Variants in CNTNAP2 observed in about 807,000 individuals in gnomAD.
CNTNAP2 encodes the protein contactin-associated protein-like 2.
Under a neutral mutation model 155.2 loss-of-function variants are expected in CNTNAP2, and 98 were observed. The ratio of observed to expected loss-of-function variants is 0.63; its 90% CI spans 0.54 to 0.75. The LOEUF (loss-of-function observed/expected upper bound fraction) is 0.75, where lower values mean the gene tolerates loss of function less well. Among genes scored for constraint, CNTNAP2 ranks in the 30% least tolerant of loss-of-function variants. The pLI, the probability that CNTNAP2 is intolerant of heterozygous loss-of-function variation, is 0.00. For synonymous variants in CNTNAP2, 651 were observed against 631.2 expected, an observed-to-expected ratio of 1.03 and a Z score of -0.47; for missense variants, 1,727 against 1,688.1, an observed-to-expected ratio of 1.02 and a Z score of -0.40.
intron 1 of CNTNAP2, among the ~76,000 whole-genome samples, chr7:146,392,211 T>C (rs1265578210): frequency 6.6e-6 from 1 of 152,004 alleles, no homozygotes; most frequent in Non-Finnish European, 1.5e-5. Context: ...ATAATAATTA[T>C]AAATATTTCA....
Position 147,960,049 on chromosome 7 carries a change from T to G in CNTNAP2, c.2256-17813T>G, listed in dbSNP as rs189397746. 5.2e-4 allele frequency among the ~76,000 whole-genome samples: 79 copies of G among 152,252 alleles called. 1 individual carries two copies. Among genetic ancestry groups the G allele is most frequent in the African/African-American group, 1.8e-3 (74 of 41,556 alleles). On this transcript the variant is annotated intron_variant, in intron 14 of 23. Transcript: ENST00000361727. ...CCTTCCTTTAGGCTCAGAGAACTGATGACTACTTCATGCCAATACATCCTT... is the reference window on the plus strand; with the variant it reads ...CCTTCCTTTAGGCTCAGAGAACTGAGGACTACTTCATGCCAATACATCCTT...
At chr7:146,623,079 C>T (rs554844105) in intron 1 of CNTNAP2, among the ~76,000 whole-genome samples, 4 of 151,740 alleles carry the variant, frequency 2.6e-5, no homozygotes, top group Non-Finnish European at 5.9e-5. Context: ...TTAGTGGTAG[C>T]CCCCTGGAGA....
At chr7:146,200,174 C>G (rs1798836777) in intron 1 of CNTNAP2, among the ~76,000 whole-genome samples, 2 of 152,276 alleles carry the variant, frequency 1.3e-5, no homozygotes, top group South Asian at 4.1e-4. Flanking sequence ...TGATGGACCA[C>G]TTCCACATAC....
chr7:147,780,378 C>T (rs1197142908), intron 13 of CNTNAP2, among the ~76,000 whole-genome samples: 1 of 151,932 alleles, frequency 6.6e-6, no homozygotes, highest in Non-Finnish European at 1.5e-5. Context: ...CATTAACAAA[C>T]CAATTGTTAA....
rs192428001 is a variant in CNTNAP2 at position 146,319,092 on chromosome 7, G to T, written c.97+202119G>T. On this transcript the variant is annotated intron_variant, in intron 1 of 23. Coordinates refer to ENST00000361727, the MANE Select transcript of CNTNAP2 (RefSeq NM_014141.6). ...CCGGCAACCTGGCTCTAGAGGTGTT[G>T]GTCTCGAATGCCTCAATCTTTTTGT... Among the ~76,000 whole-genome samples the T allele has an allele frequency of 2.8e-4, 42 of 152,118 alleles. No homozygotes were observed. In the East Asian group the frequency reaches 7.6e-3, roughly 27 times the overall value.
rs1802575969 is a variant in CNTNAP2 at position 147,186,822 on chromosome 7, T to C, written c.1348+54313T>C. Among the ~76,000 whole-genome samples, 5 of 152,116 alleles carry C rather than the reference T, an allele frequency of 3.3e-5. No homozygotes were observed. In the South Asian group the frequency reaches 1.0e-3, roughly 32 times the overall value. On this transcript the variant is annotated intron_variant, in intron 8 of 23. Coordinates refer to ENST00000361727, the MANE Select transcript of CNTNAP2 (RefSeq NM_014141.6). ...AGGGAAGTGAAGGAGGGAACAGCAG[T>C]GCTAAGGATAGAAATGCAGGTTTGG...
intron 17 of CNTNAP2, 61 bp downstream of exon 17, chr7:148,147,770 C>CAAAA: frequency 4.0e-6 from 5 of 1,237,014 alleles, no homozygotes; most frequent in Non-Finnish European, 4.4e-6. Flanking sequence ...CTGCACAATA[C>CAAAA]AAAAAAAAAA....
chr7:146,329,847 C>G (rs1348817556), intron 1 of CNTNAP2, among the ~76,000 whole-genome samples: 1 of 152,080 alleles, frequency 6.6e-6, no homozygotes, highest in East Asian at 1.9e-4. Context: ...CCTGCTCAAG[C>G]ATTATATAAC....
intron 15 of CNTNAP2, among the ~76,000 whole-genome samples, chr7:148,006,658 A>T (rs1463141972): frequency 1.3e-5 from 2 of 151,880 alleles, no homozygotes; most frequent in African/African-American, 4.8e-5. Context: ...AAAAAAAAAA[A>T]AACTGAGTTA....
chr7:146,596,523 A>G (rs1798860612), intron 1 of CNTNAP2, among the ~76,000 whole-genome samples: 1 of 151,680 alleles, frequency 6.6e-6, no homozygotes, highest in African/African-American at 2.4e-5. Flanking sequence ...TTACCCAAAA[A>G]GAGTTCTTTC....
intron 2 of CNTNAP2, among the ~76,000 whole-genome samples, chr7:146,833,902 G>A (rs1803564995): frequency 6.6e-6 from 1 of 152,086 alleles, no homozygotes; most frequent in African/African-American, 2.4e-5. Flanking sequence ...TCCTGGCTAT[G>A]TCTTTTCAAT....
intron 15 of CNTNAP2, 95 bp from the exon 16 acceptor site, chr7:148,118,022 TA>T: frequency 7.9e-7 from 1 of 1,260,552 alleles, no homozygotes; most frequent in Non-Finnish European, 1.2e-6. Flanking sequence ...TGACTATTGC[TA>T]ATGGTACTTA....
intron 1 of CNTNAP2, among the ~76,000 whole-genome samples, chr7:146,356,099 G>A (rs1468495891): frequency 1.3e-5 from 2 of 149,336 alleles, no homozygotes; most frequent in Non-Finnish European, 3.0e-5. Flanking sequence ...ACACACGGGA[G>A]TTTACAACCA....
At chr7:146,956,206 T>C (rs1198817483) in intron 3 of CNTNAP2, among the ~76,000 whole-genome samples, 1 of 152,148 alleles carries the variant, frequency 6.6e-6, no homozygotes, top group East Asian at 1.9e-4. Flanking sequence ...AAAATGAAGA[T>C]GTAAACAATT....
intron 15 of CNTNAP2, among the ~76,000 whole-genome samples, chr7:148,099,867 GGTT>G (rs1804059375): frequency 2.9e-5 from 3 of 101,886 alleles, no homozygotes; most frequent in East Asian, 3.1e-4. Context: ...TTTTTTTTTT[GGTT>G]TTTTTTTTTT....
At chr7:146,750,371 C>T (rs903742323) in intron 1 of CNTNAP2, among the ~76,000 whole-genome samples, 42 of 152,106 alleles carry the variant, frequency 2.8e-4, no homozygotes, top group Non-Finnish European at 1.2e-4. Flanking sequence ...CTCAGCTACT[C>T]GTCTTACAAT....
intron 13 of CNTNAP2, among the ~76,000 whole-genome samples, chr7:147,705,052 T>A (rs1253263421): frequency 6.6e-6 from 1 of 152,118 alleles, no homozygotes; most frequent in Non-Finnish European, 1.5e-5. Flanking sequence ...TTTAAGTCTC[T>A]GTTTCGTTTA....
At chr7:148,029,917 G>C (rs1802442347) in intron 15 of CNTNAP2, among the ~76,000 whole-genome samples, 2 of 152,198 alleles carry the variant, frequency 1.3e-5, no homozygotes, top group South Asian at 4.1e-4. Flanking sequence ...GATTGTGGTG[G>C]AGAAGAACAG....
intron 12 of CNTNAP2, among the ~76,000 whole-genome samples, chr7:147,604,131 C>T (rs1347050675): frequency 6.6e-6 from 1 of 151,992 alleles, no homozygotes; most frequent in East Asian, 1.9e-4. Flanking sequence ...TAGAAGAAAA[C>T]CTAGGCATTA....
Sources: allele counts gnomAD v4.1 joint callset (sites outside exome capture counted in the v4.1 genomes callset), GRCh38; gene constraint gnomAD v4.1.1; transcripts MANE v1.5; gene names NCBI Gene and HGNC (gene_info 2026-07-23, HGNC 2026-07-21).